Variants in WDR49 observed in about 807,000 individuals in gnomAD.
WDR49 encodes the protein cilia- and flagella-associated protein 337.
WDR49 carries 107 observed loss-of-function variants against 119.5 expected under a neutral mutation model. The observed-to-expected ratio is 0.90, with a 90% CI of 0.77 to 1.05. The LOEUF (loss-of-function observed/expected upper bound fraction) is 1.05, where lower values mean the gene tolerates loss of function less well. Ranked by LOEUF, WDR49 falls within the 50% of genes least tolerant of loss-of-function variation. WDR49 has a pLI of 0.00. For missense variants in WDR49, 1,240 were observed against 1,220.5 expected, an observed-to-expected ratio of 1.02 and a Z score of -0.24; for synonymous variants, 425 against 418.8, an observed-to-expected ratio of 1.01 and a Z score of -0.18.
At chr3:167,495,363 T>C (rs1751314162) in intron 18 of WDR49, among the ~76,000 whole-genome samples, 1 of 151,616 alleles carries the variant, frequency 6.6e-6, no homozygotes, top group Admixed American at 6.6e-5. Context: ...AATATGTGTG[T>C]ATATATATAA....
intron 5 of WDR49, among the ~76,000 whole-genome samples, chr3:167,610,226 AG>A (rs149072813): frequency 0.023 from 3,473 of 152,244 alleles, 120 homozygotes; most frequent in African/African-American, 0.076. Context: ...AGAGTACCCA[AG>A]GCAGGCTCTT....
rs756317996 is a variant in WDR49, at chr3:167,570,957, G to A, written c.1509+4961C>T. Among the ~76,000 whole-genome samples the A allele has an allele frequency of 6.1e-4, 92 of 151,786 alleles. 1 individual carries two copies. The highest frequency in any genetic ancestry group is 2.0e-3 in the African/African-American group (84 of 41,374). The stretch of plus-strand genomic sequence containing the variant: ...AGGTTGAGGTAGGAACCCAGGAGGC[G>A]GAGGTTGCGGTGAGCCGAGATAGCA... On this transcript the variant is annotated intron_variant, in intron 8 of 18. Transcript: ENST00000682715.
rs749715990 is a variant in WDR49, at chr3:167,529,058, A to G, written c.2400T>C (p.Asn800=). ...ATAATGTTTTTCAATTTACCTCTAT[A>G]TTCCAGATTTTCAACCATCCATCAA... ...GDLDGWLKIW[N]IEEYCLNSSK... is the part of the protein sequence containing the mutation. Residue 800 remains asparagine (N), a synonymous_variant, in exon 14 of 19, where the codon AAT becomes AAC. Transcript: ENST00000682715. 3 of 1,575,898 alleles carry G rather than the reference A, an allele frequency of 1.9e-6. No homozygotes were observed. In the African/African-American group the frequency reaches 4.1e-5, roughly 22 times the overall value.
At chr3:167,529,320 A>C in intron 13 of WDR49, 81 bp from the exon 14 acceptor site, 1 of 1,331,124 alleles carries the variant, frequency 7.5e-7, no homozygotes, top group East Asian at 2.4e-5. Context: ...TTCCCTGTGG[A>C]AAGCATGTGA....
At chr3:167,480,675 C>T (rs184740939) in intron 18 of WDR49, among the ~76,000 whole-genome samples, 2 of 152,106 alleles carry the variant, frequency 1.3e-5, no homozygotes, top group Non-Finnish European at 1.5e-5. Context: ...ATGTAATCTG[C>T]AGCTTACAAA....
rs544731918 is a variant in WDR49 at position 167,496,082 on chromosome 3, G to A, written c.3031+4071C>T. Reference sequence around the variant, plus strand: ...TTCAGACTGAAGGAAAATGGTCTCAGATGAAAGTCTAGTGCCATAAGAAGG... The same window carrying A: ...TTCAGACTGAAGGAAAATGGTCTCAAATGAAAGTCTAGTGCCATAAGAAGG... On this transcript the variant is annotated intron_variant, in intron 18 of 18. Transcript: ENST00000682715. 2.6e-5 allele frequency among the ~76,000 whole-genome samples: 4 copies of A among 152,158 alleles called. No homozygotes were observed. The South Asian group carries it at 8.3e-4, about 32-fold the overall frequency.
At chr3:167,481,656 A>G (rs1456259253) in intron 18 of WDR49, among the ~76,000 whole-genome samples, 1 of 152,180 alleles carries the variant, frequency 6.6e-6, no homozygotes, top group Non-Finnish European at 1.5e-5. Context: ...TGGACTTAAT[A>G]GTTTCACATG....
At chr3:167,626,375 A>C (rs1358151994) in intron 3 of WDR49, among the ~76,000 whole-genome samples, 1 of 152,038 alleles carries the variant, frequency 6.6e-6, no homozygotes, top group African/African-American at 2.4e-5. Context: ...TTCAAGCTCC[A>C]ACCTTCCCCA....
intron 5 of WDR49, among the ~76,000 whole-genome samples, chr3:167,616,357 C>T (rs1226249633): frequency 6.6e-6 from 1 of 152,152 alleles, no homozygotes; most frequent in Admixed American, 6.5e-5. Flanking sequence ...GAAAACTGGA[C>T]AAATATTAGC....
At chr3:167,646,194 T>TGTTGGGA (rs1185462721) in intron 2 of WDR49, among the ~76,000 whole-genome samples, 2 of 152,036 alleles carry the variant, frequency 1.3e-5, no homozygotes, top group Admixed American at 1.3e-4. Context: ...CCTGTGTGTG[T>TGTTGGGA]GTTGGGAGTT....
rs1272897891 is a variant in WDR49, at chr3:167,529,069, T to C, written c.2389A>G (p.Lys797Glu). 2 of 1,582,368 alleles carry C rather than the reference T, an allele frequency of 1.3e-6. No individual in the cohort carries two copies. Among genetic ancestry groups the C allele is most frequent in the Admixed American group, 3.9e-5 (2 of 51,342 alleles). The change falls in exon 14 of 19, where the codon AAA becomes GAA. Residue 797 changes from lysine to glutamate, a missense_variant. Coordinates refer to ENST00000682715, the MANE Select transcript of WDR49 (RefSeq NM_001366157.1). ...LTTGDLDGWL[K>E]IWNIEEYCLN... Reference sequence around the variant, plus strand: ...CAATTTACCTCTATATTCCAGATTTTCAACCATCCATCAAGATCTCCTGTG... The same window carrying C: ...CAATTTACCTCTATATTCCAGATTTCCAACCATCCATCAAGATCTCCTGTG...
chr3:167,541,497 T>C (rs1711831595), intron 10 of WDR49, among the ~76,000 whole-genome samples: 1 of 151,910 alleles, frequency 6.6e-6, no homozygotes, highest in Admixed American at 6.6e-5. Context: ...TTTCTGAGAG[T>C]TAACAACTAC....
At chr3:167,620,312 G>C in intron 5 of WDR49, 117 bp downstream of exon 5, 3 of 1,073,810 alleles carry the variant, frequency 2.8e-6, no homozygotes, top group Non-Finnish European at 3.8e-6. Flanking sequence ...ACAACCTCCA[G>C]AGAACCAATT....
At chr3:167,609,674 G>A (rs1409040747) in intron 5 of WDR49, among the ~76,000 whole-genome samples, 3 of 152,144 alleles carry the variant, frequency 2.0e-5, no homozygotes, top group Non-Finnish European at 4.4e-5. Flanking sequence ...AGAGACAATG[G>A]ACTGAGGGGG....
intron 16 of WDR49, among the ~76,000 whole-genome samples, chr3:167,518,829 T>C (rs1219049235): frequency 6.7e-6 from 1 of 149,020 alleles, no homozygotes; most frequent in Admixed American, 6.7e-5. Flanking sequence ...GTCATCAGAG[T>C]GAACAGACAA....
intron 8 of WDR49, among the ~76,000 whole-genome samples, chr3:167,564,262 G>C (rs927250138): frequency 1.3e-5 from 2 of 152,152 alleles, no homozygotes; most frequent in African/African-American, 2.4e-5. Flanking sequence ...CAGTTTGCAG[G>C]AAAACAATGT....
At chr3:167,514,367 A>G (rs1463592396) in intron 16 of WDR49, among the ~76,000 whole-genome samples, 2 of 152,154 alleles carry the variant, frequency 1.3e-5, no homozygotes, top group African/African-American at 4.8e-5. Context: ...TGGGTAAGTA[A>G]TGAAATTAAG....
chr3:167,492,355 A>G (rs1751171317), intron 18 of WDR49, among the ~76,000 whole-genome samples: 1 of 152,160 alleles, frequency 6.6e-6, no homozygotes, highest in Non-Finnish European at 1.5e-5. Flanking sequence ...TGAAATATTA[A>G]TAGCATAAAC....
chr3:167,604,220 T>C (rs1715923200), intron 6 of WDR49, 81 bp downstream of exon 6: 2 of 1,501,316 alleles, frequency 1.3e-6, no homozygotes, highest in Non-Finnish European at 1.8e-6. Flanking sequence ...AGCAACAAGG[T>C]AGCAAAGGCT....
Sources: allele counts gnomAD v4.1 joint callset (sites outside exome capture counted in the v4.1 genomes callset), GRCh38; gene constraint gnomAD v4.1.1; transcripts MANE v1.5; gene names NCBI Gene and HGNC (gene_info 2026-07-23, HGNC 2026-07-21).